The following TNFRSF8 variants were observed in gnomAD, a reference collection of about 807,000 sequenced individuals.
TNFRSF8 encodes tumor necrosis factor receptor superfamily member 8.
Under a neutral mutation model 70.8 loss-of-function variants are expected in TNFRSF8, and 26 were observed. The ratio of observed to expected loss-of-function variants is 0.37; its 90% CI spans 0.27 to 0.51. TNFRSF8 has a LOEUF of 0.51. Among genes scored for constraint, TNFRSF8 ranks in the 20% least tolerant of loss-of-function variants. The pLI, the probability that TNFRSF8 is intolerant of heterozygous loss-of-function variation, is 0.94. For missense variants in TNFRSF8, 720 were observed against 807.9 expected (o/e 0.89, Z 1.32); for synonymous variants, 356 against 339.2 (o/e 1.05, Z -0.54).
chr1:12,127,744 C>T (rs899874868), intron 12 of TNFRSF8, among the ~76,000 whole-genome samples: 18 of 152,184 alleles, frequency 1.2e-4, no homozygotes, highest in Middle Eastern at 3.2e-3. Flanking sequence ...TCATTGAAAC[C>T]GGCGTTTGCT....
At chr1:12,127,663 C>T (rs11569923) in intron 12 of TNFRSF8, among the ~76,000 whole-genome samples, 3 of 152,228 alleles carry the variant, frequency 2.0e-5, no homozygotes, top group Non-Finnish European at 2.9e-5. Context: ...GCACTGTGGT[C>T]CCTGTGCAAG....
At chr1:12,111,566 G>T (rs1296663342) in intron 6 of TNFRSF8, among the ~76,000 whole-genome samples, 2 of 152,166 alleles carry the variant, frequency 1.3e-5, no homozygotes, top group African/African-American at 4.8e-5. Flanking sequence ...ACGCTAGTGT[G>T]CTGAGCTCTC....
chr1:12,123,284 A>G lies in TNFRSF8; in HGVS notation c.947A>G (p.Asp316Gly), dbSNP rs1641866635. 1.2e-6 allele frequency: 2 copies of G among 1,611,428 alleles called. No individual in the cohort carries two copies. Among genetic ancestry groups the G allele is most frequent in the Non-Finnish European group, 1.7e-6 (2 of 1,179,064 alleles). Residue 316 changes from aspartate to glycine, a missense_variant and splice_region_variant, in exon 9 of 15, where the codon GAT becomes GGT. Coordinates refer to ENST00000263932, the MANE Select transcript of TNFRSF8 (RefSeq NM_001243.5). ...CAAETVTKPQ[D>G]MAEKDTTFEA... ...CTCAGATGTTACGTCCCCTCTGCAG[A>G]TATGGCTGAGAAGGACACCACCTTT...
chr1:12,087,159 C>G (rs984481697), intron 2 of TNFRSF8, among the ~76,000 whole-genome samples: 16 of 132,790 alleles, frequency 1.2e-4, no homozygotes, highest in African/African-American at 4.7e-4. Flanking sequence ...ATTTCTCTCT[C>G]TCTCTCTTTT....
At position 12,130,951 on chromosome 1, in the gene TNFRSF8, T is replaced by C. The variant is rs562923644; in HGVS notation, c.1310-4637T>C. Among the ~76,000 whole-genome samples, 4 of 152,356 alleles carry C rather than the reference T, an allele frequency of 2.6e-5. No homozygotes were observed. The South Asian group carries it at 8.3e-4, about 32-fold the overall frequency. On this transcript the variant is annotated intron_variant, in intron 12 of 14. Coordinates refer to ENST00000263932, the MANE Select transcript of TNFRSF8 (RefSeq NM_001243.5). ...ATCCTCATGGGTTGTAACACGGCTC[T>C]TGTCAATGTCAGAGCCTTCCAGATT... is the stretch of plus-strand genomic sequence containing the variant.
chr1:12,093,363 G>A (rs1641277785), intron 2 of TNFRSF8, among the ~76,000 whole-genome samples: 1 of 152,186 alleles, frequency 6.6e-6, no homozygotes, highest in African/African-American at 2.4e-5. Flanking sequence ...CATGAAGTGA[G>A]CAATGTACTA....
At chr1:12,132,092 T>C (rs1480583929) in intron 12 of TNFRSF8, among the ~76,000 whole-genome samples, 1 of 152,124 alleles carries the variant, frequency 6.6e-6, no homozygotes, top group African/African-American at 2.4e-5. Flanking sequence ...ACGCCCAGTC[T>C]CATTTTTAAA....
In TNFRSF8 at chr1:12,138,188, G is replaced by A; in HGVS notation, c.1336-41G>A. The A allele has an allele frequency of 6.2e-7, 1 of 1,602,908 alleles. No individual in the cohort carries two copies. Among genetic ancestry groups the A allele is most frequent in the Non-Finnish European group, 8.5e-7 (1 of 1,172,676 alleles). ...TCCCAGTTCAGAGACTGGTGGGGAGGTTGGGGGTACCCTGCAGCAGCACCC... is the reference window on the plus strand; with the variant it reads ...TCCCAGTTCAGAGACTGGTGGGGAGATTGGGGGTACCCTGCAGCAGCACCC... On this transcript the variant is annotated intron_variant, in intron 13 of 14. Coordinates refer to ENST00000263932, the MANE Select transcript of TNFRSF8 (RefSeq NM_001243.5). This position sits in a 1 kb window ranked among gnomAD's most constrained non-coding sequence, Gnocchi z 5.7.
At position 12,125,938 on chromosome 1, in the gene TNFRSF8, C is replaced by G. The variant is rs1278132833; in HGVS notation, c.1154-13C>G. On this transcript the variant is annotated splice_polypyrimidine_tract_variant and intron_variant, in intron 10 of 14. Coordinates refer to ENST00000263932, the MANE Select transcript of TNFRSF8 (RefSeq NM_001243.5). ...CAGCAAGGCAAAGAGTGTGGGGCGT[C>G]TCTGTGTTCCAGGGCCAGTGCTCTT... is the stretch of plus-strand genomic sequence containing the variant. 1.2e-6 allele frequency: 2 copies of G among 1,611,946 alleles called. No homozygotes were observed. The highest frequency in any genetic ancestry group is 2.2e-5 in the South Asian group (2 of 91,044).
At chr1:12,087,501 T>A (rs1263363522) in intron 2 of TNFRSF8, among the ~76,000 whole-genome samples, 1 of 152,180 alleles carries the variant, frequency 6.6e-6, no homozygotes, top group Non-Finnish European at 1.5e-5. Context: ...CCTGTCCCCA[T>A]GTGGGATGCC....
intron 1 of TNFRSF8, among the ~76,000 whole-genome samples, chr1:12,065,352 G>A (rs2002557): frequency 0.23 from 34,599 of 151,970 alleles, 4,592 homozygotes; most frequent in Admixed American, 0.42. Context: ...CAAAGTGCTA[G>A]GGTTACAGGC....
At chr1:12,068,429 C>T (rs899195836) in intron 1 of TNFRSF8, among the ~76,000 whole-genome samples, 8 of 152,154 alleles carry the variant, frequency 5.3e-5, no homozygotes, top group African/African-American at 1.9e-4. Flanking sequence ...GAGCCCACCA[C>T]AGACTAGACA....
intron 1 of TNFRSF8, among the ~76,000 whole-genome samples, chr1:12,067,604 GCTTGAAA>G (rs959446509): frequency 4.6e-5 from 7 of 151,904 alleles, no homozygotes; most frequent in Admixed American, 3.3e-4. Flanking sequence ...CAGGAGAATC[GCTTGAAA>G]CCAGAAGGCG....
Position 12,126,176 on chromosome 1 carries a change from G to A in TNFRSF8, c.1256-7G>A, listed in dbSNP as rs748660422. ...CACCCCCAGCCTTCCTCCTGGTGTC[G>A]TTTCAGAGCTCCACCTGTGCTACCC... On this transcript the variant is annotated splice_region_variant and splice_polypyrimidine_tract_variant and intron_variant, in intron 11 of 14. Coordinates refer to ENST00000263932, the MANE Select transcript of TNFRSF8 (RefSeq NM_001243.5). 21 of 1,613,988 alleles carry A rather than the reference G, an allele frequency of 1.3e-5. No individual in the cohort carries two copies. The highest frequency in any genetic ancestry group is 4.4e-5 in the South Asian group (4 of 91,080).
intron 2 of TNFRSF8, among the ~76,000 whole-genome samples, chr1:12,091,494 C>T (rs551471219): frequency 6.6e-6 from 1 of 152,082 alleles, no homozygotes; most frequent in Non-Finnish European, 1.5e-5. Flanking sequence ...GCCTGCCACA[C>T]CCTGGCAGAG....
rs1642181404 is a variant in TNFRSF8 at position 12,138,149 on chromosome 1, A to G, written c.1336-80A>G. 6.7e-7 allele frequency: 1 copy of G among 1,486,636 alleles called. No individual in the cohort carries two copies. The highest frequency in any genetic ancestry group is 9.1e-7 in the Non-Finnish European group (1 of 1,099,802). 92.1% of individuals were successfully genotyped at this position (1,486,636 alleles called of 1,614,324 possible). On this transcript the variant is annotated intron_variant, in intron 13 of 14. Coordinates refer to ENST00000263932, the MANE Select transcript of TNFRSF8 (RefSeq NM_001243.5). The surrounding 1 kb of genome is among the most constrained non-coding windows in gnomAD (Gnocchi z 5.7). ...ACTCACTGGGGTCTGTAGAGATGAA[A>G]AAAAAAAGGGGCCTCCCAGTTCAGA...
At chr1:12,135,695 G>C in intron 13 of TNFRSF8, 82 bp downstream of exon 13, 1 of 1,569,804 alleles carries the variant, frequency 6.4e-7, no homozygotes. Flanking sequence ...AGTTTTGAGA[G>C]CTGCTGGGGG....
In TNFRSF8 at chr1:12,138,469, G is replaced by T. The variant is rs1308437496; in HGVS notation, c.1543+33G>T. 3.8e-6 allele frequency: 6 copies of T among 1,583,328 alleles called. No homozygotes were observed. The highest frequency in any genetic ancestry group is 2.7e-5 in the African/African-American group (2 of 74,208). On this transcript the variant is annotated intron_variant, in intron 14 of 14. Transcript: ENST00000263932. The surrounding 1 kb of genome is among the most constrained non-coding windows in gnomAD (Gnocchi z 5.7). ...AGCCTGTTTTGGGAGGTCCCCTGCA[G>T]CCCAGGGGCAGATGGGAGATGAATA...
At chr1:12,078,137 C>T (rs149018172) in intron 1 of TNFRSF8, among the ~76,000 whole-genome samples, 335 of 152,104 alleles carry the variant, frequency 2.2e-3, no homozygotes, top group South Asian at 4.0e-3. Flanking sequence ...AGAGGAGACC[C>T]TCGGGTGGTC....
Sources: gnomAD v4.1 joint callset for allele counts (sites outside exome capture counted in the v4.1 genomes callset) on GRCh38, gnomAD v4.1.1 for gene constraint, Gnocchi (gnomAD v3.1) non-coding constraint, MANE v1.5 for transcripts, NCBI Gene and HGNC (gene_info 2026-07-23, HGNC 2026-07-21) for gene names.